Variants in MAD1L1 observed in about 807,000 individuals in gnomAD.
MAD1L1 encodes mitotic arrest deficient 1 like 1.
A neutral mutation model predicts 96.9 loss-of-function variants in MAD1L1; 95 were observed. The ratio of observed to expected loss-of-function variants is 0.98; its 90% CI spans 0.83 to 1.16. MAD1L1 has a LOEUF of 1.16. Ranked by LOEUF, MAD1L1 falls within the 50% of genes most tolerant of loss-of-function variation. The pLI is 0.00. For missense variants in MAD1L1, 1,007 were observed against 954.4 expected, an observed-to-expected ratio of 1.06 and a Z score of -0.73; for synonymous variants, 473 against 396.6, an observed-to-expected ratio of 1.19 and a Z score of -2.29.
At chr7:1,946,183 C>T (rs1252765500) in intron 16 of MAD1L1, among the ~76,000 whole-genome samples, 2 of 152,248 alleles carry the variant, frequency 1.3e-5, no homozygotes, top group Non-Finnish European at 2.9e-5. Flanking sequence ...TCTGTGCATT[C>T]TGGCAGGACG....
At chr7:1,902,033 A>G (rs905185116) in intron 17 of MAD1L1, among the ~76,000 whole-genome samples, 27 of 152,316 alleles carry the variant, frequency 1.8e-4, no homozygotes, top group Admixed American at 1.6e-3. Context: ...GAGGAAGAAC[A>G]GCAGGTGTTC....
At position 2,022,794 on chromosome 7, in the gene MAD1L1, A is replaced by C. The variant is rs11767898; in HGVS notation, c.1219-8152T>G. 3.3e-5 allele frequency among the ~76,000 whole-genome samples: 5 copies of C among 152,196 alleles called. No homozygotes were observed. In the South Asian group the frequency reaches 8.3e-4, roughly 25 times the overall value. On this transcript the variant is annotated intron_variant, in intron 12 of 18. Transcript: ENST00000265854. ...GGATGGATTAAAAAAACAAGACCCA[A>C]TTATATGCTGTTTATAAGGAACCCA...
chr7:1,908,920 G>A (rs1462357108), intron 17 of MAD1L1, among the ~76,000 whole-genome samples: 3 of 152,184 alleles, frequency 2.0e-5, no homozygotes, highest in Non-Finnish European at 4.4e-5. Flanking sequence ...GCGGCTGGGC[G>A]CCTGGCATGA....
intron 18 of MAD1L1, among the ~76,000 whole-genome samples, chr7:1,864,261 G>C (rs1222875373): frequency 6.6e-6 from 1 of 152,204 alleles, no homozygotes; most frequent in Non-Finnish European, 1.5e-5. Context: ...ACACCTGAAG[G>C]AGGAGGGGAG....
At chr7:2,082,945 T>C (rs1269873995) in intron 11 of MAD1L1, among the ~76,000 whole-genome samples, 1 of 152,244 alleles carries the variant, frequency 6.6e-6, no homozygotes, top group Non-Finnish European at 1.5e-5. Flanking sequence ...AATACCCCGT[T>C]AGGTGTGGCA....
intron 16 of MAD1L1, among the ~76,000 whole-genome samples, chr7:1,955,930 T>A (rs899507522): frequency 2.1e-5 from 3 of 143,044 alleles, no homozygotes; most frequent in Non-Finnish European, 4.5e-5. Flanking sequence ...CAGAGTAGTA[T>A]AACTTCCATC....
chr7:2,209,789 G>T (rs1792806265), intron 10 of MAD1L1, among the ~76,000 whole-genome samples: 1 of 152,202 alleles, frequency 6.6e-6, no homozygotes, highest in African/African-American at 2.4e-5. Flanking sequence ...CCCAGCCACA[G>T]AGCCCTCTGC....
chr7:1,870,724 G>A lies in MAD1L1; in HGVS notation c.1998+27476C>T, dbSNP rs376138902. 1.6e-3 allele frequency among the ~76,000 whole-genome samples: 185 copies of A among 117,350 alleles called. 2 individuals carry two copies. The highest frequency in any genetic ancestry group is 5.4e-3 in the African/African-American group (160 of 29,738). 77.0% of individuals were successfully genotyped at this position (117,350 alleles called of 152,430 possible). On this transcript the variant is annotated intron_variant, in intron 18 of 18. Transcript: ENST00000265854. ...ATACACCTGCCACACTGAACCCACC[G>A]TAACACCTGCCACGCTGAACCCAAC...
At chr7:2,065,775 G>A (rs1369198603) in intron 12 of MAD1L1, among the ~76,000 whole-genome samples, 1 of 152,190 alleles carries the variant, frequency 6.6e-6, no homozygotes, top group Non-Finnish European at 1.5e-5. Flanking sequence ...CCAAGCCTGG[G>A]GCCTCCAGTA....
At chr7:2,171,659 GA>G (rs917943315) in intron 10 of MAD1L1, among the ~76,000 whole-genome samples, 5 of 152,020 alleles carry the variant, frequency 3.3e-5, no homozygotes, top group African/African-American at 1.2e-4. Context: ...GGAGGGTGGA[GA>G]TGGGACACGT....
chr7:2,010,044 T>C (rs533910607), intron 13 of MAD1L1, among the ~76,000 whole-genome samples: 1 of 150,798 alleles, frequency 6.6e-6, no homozygotes, highest in Admixed American at 6.6e-5. Context: ...TTGGCCCACT[T>C]TTCTTCACTG....
intron 18 of MAD1L1, 145 bp downstream of exon 18, chr7:1,898,055 G>T: frequency 1.2e-6 from 1 of 850,478 alleles, no homozygotes; most frequent in Non-Finnish European, 1.9e-6. Flanking sequence ...ACGAGGACGG[G>T]CCAGTGCACC....
intron 12 of MAD1L1, among the ~76,000 whole-genome samples, chr7:2,016,218 A>C (rs1480428617): frequency 6.6e-6 from 1 of 152,176 alleles, no homozygotes; most frequent in Non-Finnish European, 1.5e-5. Context: ...ACCCCTTCCC[A>C]ACACACATGC....
At chr7:2,054,614 G>C (rs1398354268) in intron 12 of MAD1L1, among the ~76,000 whole-genome samples, 3 of 152,160 alleles carry the variant, frequency 2.0e-5, no homozygotes, top group Non-Finnish European at 2.9e-5. Context: ...AAAGGTAATG[G>C]GAAAGGGCGA....
chr7:1,818,230 C>A (rs552870424), intron 18 of MAD1L1, among the ~76,000 whole-genome samples: 6 of 152,226 alleles, frequency 3.9e-5, no homozygotes, highest in African/African-American at 1.4e-4. Flanking sequence ...CGGCCCTTCG[C>A]CCTCCTCCCA....
chr7:2,200,724 G>A (rs936146151), intron 10 of MAD1L1, among the ~76,000 whole-genome samples: 21 of 152,170 alleles, frequency 1.4e-4, no homozygotes, highest in African/African-American at 3.6e-4. Flanking sequence ...CTGCACAAAC[G>A]GTGCTACCAC....
chr7:2,151,079 C>A (rs1177060782), intron 10 of MAD1L1, among the ~76,000 whole-genome samples: 1 of 152,242 alleles, frequency 6.6e-6, no homozygotes, highest in Non-Finnish European at 1.5e-5. Context: ...TCTCCAGTTT[C>A]CCAAAGCTTC....
intron 10 of MAD1L1, among the ~76,000 whole-genome samples, chr7:2,206,161 G>T (rs1308242935): frequency 6.6e-6 from 1 of 152,128 alleles, no homozygotes; most frequent in African/African-American, 2.4e-5. Context: ...TAAAGTATCT[G>T]TTAAAAGTCT....
At chr7:2,144,735 A>G (rs1789208864) in intron 11 of MAD1L1, among the ~76,000 whole-genome samples, 1 of 152,042 alleles carries the variant, frequency 6.6e-6, no homozygotes, top group African/African-American at 2.4e-5. Flanking sequence ...GTGAAGCGTG[A>G]GCAGAGGGCG....
Sources: allele counts gnomAD v4.1 joint callset (sites outside exome capture counted in the v4.1 genomes callset), GRCh38; gene constraint gnomAD v4.1.1; transcripts MANE v1.5; gene names NCBI Gene and HGNC (gene_info 2026-07-23, HGNC 2026-07-21).